Variants in TRIM5 observed in about 807,000 individuals in gnomAD.
TRIM5 encodes tripartite motif-containing protein 5.
TRIM5 carries 31 observed loss-of-function variants against 35.6 expected under a neutral mutation model. The observed-to-expected ratio is 0.87, with a 90% confidence interval of 0.65 to 1.18. The LOEUF is 1.18. Among genes scored for constraint, TRIM5 ranks in the 50% most tolerant of loss-of-function variants. The pLI is 0.00. For synonymous variants in TRIM5, 243 were observed against 215.6 expected, an observed-to-expected ratio of 1.13 and a Z score of -1.11; for missense variants, 609 against 591.6, an observed-to-expected ratio of 1.03 and a Z score of -0.31.
At chr11:5,608,455 G>T in the TRIM5 span, 2 of 1,605,172 alleles carry the variant, frequency 1.2e-6, no homozygotes, top group South Asian at 2.2e-5. Context: ...CTTTACCCAT[G>T]ATCAGTGGGA....
At chr11:5,661,500 G>GT (rs1056156148), downstream of TRIM5, among the ~76,000 whole-genome samples, 8 of 151,528 alleles carry the variant, frequency 5.3e-5, no homozygotes, top group East Asian at 1.9e-4. Context: ...AGCAATCCCT[G>GT]TTTTTTTTCA....
chr11:5,660,254 C>T (rs1202974884), downstream of TRIM5, among the ~76,000 whole-genome samples: 2 of 152,144 alleles, frequency 1.3e-5, no homozygotes, highest in African/African-American at 2.4e-5. Flanking sequence ...GGATTACAAG[C>T]GTAAGCCACT....
At chr11:5,660,979 T>A (rs1241723803), downstream of TRIM5, among the ~76,000 whole-genome samples, 1 of 125,722 alleles carries the variant, frequency 8.0e-6, no homozygotes. Flanking sequence ...GAGGTGGAGG[T>A]TGCAGTGAGC....
At chr11:5,641,062 C>A in the TRIM5 span, 1 of 1,427,640 alleles carries the variant, frequency 7.0e-7, no homozygotes, top group Non-Finnish European at 9.3e-7. Flanking sequence ...TTTCATATAA[C>A]TCACTTCTGA....
chr11:5,630,574 C>T, the TRIM5 span, among the ~76,000 whole-genome samples: 2 of 152,292 alleles, frequency 1.3e-5, no homozygotes, highest in African/African-American at 2.4e-5. Flanking sequence ...CCTCCATGAA[C>T]GGGGCATTCA....
chr11:5,606,383 T>C, the TRIM5 span, among the ~76,000 whole-genome samples: 1 of 152,224 alleles, frequency 6.6e-6, no homozygotes, highest in Non-Finnish European at 1.5e-5. Flanking sequence ...CTGCATAGAA[T>C]GAATAGTGTG....
chr11:5,591,998 G>A, the TRIM5 span, among the ~76,000 whole-genome samples: 2 of 152,186 alleles, frequency 1.3e-5, no homozygotes, highest in Non-Finnish European at 2.9e-5. Flanking sequence ...TTCTACCTGT[G>A]AGTTAGTTAC....
the TRIM5 span, chr11:5,603,299 G>C: frequency 6.2e-7 from 1 of 1,614,120 alleles, no homozygotes; most frequent in South Asian, 1.1e-5. Flanking sequence ...GCAGGAGCCA[G>C]GAGAGTAGCT....
the TRIM5 span, chr11:5,611,259 T>G: frequency 6.2e-7 from 1 of 1,614,090 alleles, no homozygotes; most frequent in Non-Finnish European, 8.5e-7. Flanking sequence ...TTTCTCTAAA[T>G]ATTACTTTCC....
At chr11:5,595,352 T>C in the TRIM5 span, 10 of 152,224 alleles carry the variant, frequency 6.6e-5, no homozygotes, top group Non-Finnish European at 1.2e-4. Context: ...TCATCAGACC[T>C]AAATAAAAAC....
chr11:5,633,835 AGAAG>A, the TRIM5 span: 1 of 1,613,962 alleles, frequency 6.2e-7, no homozygotes, highest in African/African-American at 1.3e-5. Context: ...AAGAGGCTGA[AGAAG>A]GAAGAGGAGG....
chr11:5,646,520 T>C, the TRIM5 span, among the ~76,000 whole-genome samples: 1 of 152,204 alleles, frequency 6.6e-6, no homozygotes, highest in South Asian at 2.1e-4. Flanking sequence ...GCAGATCTAG[T>C]TGTTCTAGCT....
chr11:5,615,582 TTTTTTG>T, the TRIM5 span, among the ~76,000 whole-genome samples: 1 of 113,208 alleles, frequency 8.8e-6, no homozygotes, highest in Non-Finnish European at 1.9e-5. Flanking sequence ...TTTTTGTTTT[TTTTTTG>T]TTGTTGTTGT....
At chr11:5,634,829 C>T in the TRIM5 span, 52 of 1,612,980 alleles carry the variant, frequency 3.2e-5, no homozygotes, top group Middle Eastern at 1.7e-4. Context: ...TGTGGAGTGT[C>T]GGAGTCAGTG....
chr11:5,611,225 A>G, the TRIM5 span: 1 of 1,612,760 alleles, frequency 6.2e-7, no homozygotes, highest in Non-Finnish European at 8.5e-7. Flanking sequence ...ATAATGTCAC[A>G]AACCATGGCT....
At chr11:5,667,176 T>A (rs1021245926) in intron 5 of TRIM5, among the ~76,000 whole-genome samples, 1 of 151,966 alleles carries the variant, frequency 6.6e-6, no homozygotes, top group Admixed American at 6.6e-5. Context: ...TAGAATCTGG[T>A]CTATTCCTTT....
intron 1 of TRIM5, among the ~76,000 whole-genome samples, chr11:5,683,051 G>A (rs562586855): frequency 2.6e-5 from 4 of 152,336 alleles, no homozygotes; most frequent in Admixed American, 6.5e-5. Flanking sequence ...GTGGCCGGCC[G>A]GCCCCGCTGC....
chr11:5,653,537 G>T, the TRIM5 span, among the ~76,000 whole-genome samples: 1 of 149,692 alleles, frequency 6.7e-6, no homozygotes, highest in Non-Finnish European at 1.5e-5. Flanking sequence ...TATCACCCAG[G>T]CTGGAGTGCA....
chr11:5,605,336 G>C, the TRIM5 span: 1 of 1,614,054 alleles, frequency 6.2e-7, no homozygotes, highest in Non-Finnish European at 8.5e-7. Flanking sequence ...TGTTCCTGAA[G>C]AATCAGATGG....
Sources: gnomAD v4.1 joint callset for allele counts (sites outside exome capture counted in the v4.1 genomes callset) on GRCh38, gnomAD v4.1.1 for gene constraint, MANE v1.5 for transcripts, NCBI Gene and HGNC (gene_info 2026-07-23, HGNC 2026-07-21) for gene names.